The following KIAA1328 variants were observed in gnomAD, a reference collection of about 807,000 sequenced individuals.
The protein encoded by KIAA1328 is KIAA1328.
Under a neutral mutation model 68.1 loss-of-function variants are expected in KIAA1328, and 52 were observed. The ratio of observed to expected loss-of-function variants is 0.76; its 90% CI spans 0.61 to 0.96. The LOEUF (loss-of-function observed/expected upper bound fraction) is 0.96, where lower values mean the gene tolerates loss of function less well. KIAA1328 is among the 40% of genes least tolerant of loss of function. The probability of loss-of-function intolerance (pLI) is 0.00; values close to 1 mark genes in which losing one functional copy is unlikely to be tolerated. For missense variants in KIAA1328, 641 were observed against 677.6 expected, an observed-to-expected ratio of 0.95 and a Z score of 0.60; for synonymous variants, 232 against 239.4, an observed-to-expected ratio of 0.97 and a Z score of 0.28.
chr18:36,893,001 A>G (rs1478695797), intron 5 of KIAA1328, among the ~76,000 whole-genome samples: 1 of 152,170 alleles, frequency 6.6e-6, no homozygotes, highest in African/African-American at 2.4e-5. Context: ...AGCATCATGA[A>G]TATACCCATG....
At chr18:36,908,080 A>C (rs1334113203) in intron 5 of KIAA1328, among the ~76,000 whole-genome samples, 1 of 152,130 alleles carries the variant, frequency 6.6e-6, no homozygotes, top group African/African-American at 2.4e-5. Context: ...TAATACAGGA[A>C]TTTAAGAATT....
intron 5 of KIAA1328, among the ~76,000 whole-genome samples, chr18:36,901,412 A>G (rs2049034535): frequency 6.6e-6 from 1 of 152,068 alleles, no homozygotes; most frequent in Admixed American, 6.6e-5. Context: ...CAGCTTGTCC[A>G]TGTGCACTAT....
intron 9 of KIAA1328, among the ~76,000 whole-genome samples, chr18:37,216,553 T>A (rs1281372114): frequency 6.6e-6 from 1 of 152,210 alleles, no homozygotes; most frequent in Non-Finnish European, 1.5e-5. Context: ...CTTCTAACTA[T>A]GTGGTCAGTT....
intron 9 of KIAA1328, among the ~76,000 whole-genome samples, chr18:37,180,371 G>A (rs184906748): frequency 2.0e-5 from 3 of 152,190 alleles, no homozygotes; most frequent in East Asian, 1.9e-4. Context: ...TTTTCTAATC[G>A]CAACTTTCAA....
intron 6 of KIAA1328, among the ~76,000 whole-genome samples, chr18:37,046,901 C>T (rs144513507): frequency 8.5e-4 from 130 of 152,258 alleles, no homozygotes; most frequent in African/African-American, 2.5e-3. Context: ...AAGGCCAAGA[C>T]GGGTGGATCA....
At chr18:36,926,507 C>T (rs80167998) in intron 5 of KIAA1328, among the ~76,000 whole-genome samples, 1 of 152,198 alleles carries the variant, frequency 6.6e-6, no homozygotes, top group Non-Finnish European at 1.5e-5. Flanking sequence ...GTGATACTAA[C>T]TTTGATCACT....
chr18:36,885,016 A>G (rs1037398747), intron 4 of KIAA1328, among the ~76,000 whole-genome samples: 2 of 151,744 alleles, frequency 1.3e-5, no homozygotes, highest in Non-Finnish European at 1.5e-5. Context: ...ACCTTCCTTT[A>G]TGTTACTGTC....
intron 7 of KIAA1328, among the ~76,000 whole-genome samples, chr18:37,133,542 T>TC (rs2058573461): frequency 6.6e-6 from 1 of 151,032 alleles, no homozygotes; most frequent in Admixed American, 6.6e-5. Flanking sequence ...TTTTTTTTTT[T>TC]TGAGACGGAG....
At chr18:37,010,441 T>TAAAAAAAAAA (rs59927777) in intron 6 of KIAA1328, among the ~76,000 whole-genome samples, 10 of 90,312 alleles carry the variant, frequency 1.1e-4, no homozygotes, top group Admixed American at 6.6e-4. Flanking sequence ...AGACACCATC[T>TAAAAAAAAAA]AAAAAAAAAA....
chr18:37,121,143 T>C (rs1032808474), intron 7 of KIAA1328, among the ~76,000 whole-genome samples: 8 of 152,246 alleles, frequency 5.3e-5, no homozygotes, highest in Non-Finnish European at 2.9e-5. Flanking sequence ...AGTCCAACTG[T>C]CTCATTTTAT....
At chr18:36,946,103 T>G (rs2050889488) in intron 5 of KIAA1328, 1 of 152,204 alleles carries the variant, frequency 6.6e-6, no homozygotes, top group African/African-American at 2.4e-5. Flanking sequence ...ATTAGGGATA[T>G]TCAACCTATA....
intron 8 of KIAA1328, among the ~76,000 whole-genome samples, chr18:37,166,725 A>C (rs995646200): frequency 6.6e-6 from 1 of 152,114 alleles, no homozygotes; most frequent in Non-Finnish European, 1.5e-5. Flanking sequence ...GTCTGACTAA[A>C]CTTTCTCTGG....
At chr18:37,213,977 C>T (rs2060372025) in intron 9 of KIAA1328, among the ~76,000 whole-genome samples, 1 of 152,124 alleles carries the variant, frequency 6.6e-6, no homozygotes, top group Non-Finnish European at 1.5e-5. Flanking sequence ...ATATCCTTTG[C>T]CCACTTTTTG....
At chr18:37,177,692 T>C (rs1224536000) in intron 9 of KIAA1328, among the ~76,000 whole-genome samples, 2 of 152,172 alleles carry the variant, frequency 1.3e-5, no homozygotes, top group African/African-American at 4.8e-5. Context: ...TATTTTGTTT[T>C]GTTTCTTTTT....
At chr18:36,958,816 C>T (rs2051531781) in intron 5 of KIAA1328, among the ~76,000 whole-genome samples, 1 of 151,868 alleles carries the variant, frequency 6.6e-6, no homozygotes. Context: ...CCTTTTGAAA[C>T]ACAATCATTT....
At chr18:37,142,577 C>T (rs149256113) in intron 7 of KIAA1328, among the ~76,000 whole-genome samples, 3 of 152,016 alleles carry the variant, frequency 2.0e-5, no homozygotes, top group Non-Finnish European at 2.9e-5. Flanking sequence ...TTGCCTGATA[C>T]ATTTTCAAAG....
At chr18:37,189,561 G>T (rs1252410736) in intron 9 of KIAA1328, among the ~76,000 whole-genome samples, 1 of 152,080 alleles carries the variant, frequency 6.6e-6, no homozygotes, top group Non-Finnish European at 1.5e-5. Flanking sequence ...AATACTGTAT[G>T]GCCTATTACA....
At chr18:37,034,743 G>T (rs2054961983) in intron 6 of KIAA1328, among the ~76,000 whole-genome samples, 1 of 152,090 alleles carries the variant, frequency 6.6e-6, no homozygotes, top group Non-Finnish European at 1.5e-5. Flanking sequence ...CATCCCAATG[G>T]TTTCTTTGTA....
chr18:36,907,292 C>G (rs2049258670), intron 5 of KIAA1328, among the ~76,000 whole-genome samples: 2 of 151,746 alleles, frequency 1.3e-5, no homozygotes, highest in African/African-American at 4.8e-5. Context: ...TTTTTCTTGC[C>G]TTGTTGCACT....
Sources: allele counts gnomAD v4.1 joint callset (sites outside exome capture counted in the v4.1 genomes callset), GRCh38; gene constraint gnomAD v4.1.1; transcripts MANE v1.5; gene names NCBI Gene and HGNC (gene_info 2026-07-23, HGNC 2026-07-21).